MVB12B: variants seen among roughly 807,000 people sequenced by gnomAD.
The protein encoded by MVB12B is multivesicular body subunit 12B, also known as ESCRT-I complex subunit MVB12B.
Under a neutral mutation model 41.6 loss-of-function variants are expected in MVB12B, and 16 were observed. The ratio of observed to expected loss-of-function variants is 0.38; its 90% CI spans 0.26 to 0.58. MVB12B has a LOEUF of 0.58. Among genes scored for constraint, MVB12B ranks in the 20% least tolerant of loss-of-function variants. MVB12B has a pLI of 0.62. For synonymous variants in MVB12B, 133 were observed against 139.7 expected, an observed-to-expected ratio of 0.95 and a Z score of 0.34; for missense variants, 274 against 380.2, an observed-to-expected ratio of 0.72 and a Z score of 2.32.
intron 6 of MVB12B, chr9:126,408,442 GT>G (rs1831514651): frequency 6.6e-6 from 1 of 151,894 alleles, no homozygotes; most frequent in African/African-American, 2.4e-5. Flanking sequence ...CGGATCCGGG[GT>G]CTGTGCCTGC....
chr9:126,332,005 T>G (rs1393972910), intron 1 of MVB12B, among the ~76,000 whole-genome samples: 4 of 152,364 alleles, frequency 2.6e-5, no homozygotes, highest in Non-Finnish European at 1.5e-5. Context: ...ACAGGTTTTT[T>G]AGTTCAGTTT....
At chr9:126,419,671 A>G (rs902652034) in intron 6 of MVB12B, among the ~76,000 whole-genome samples, 1 of 152,196 alleles carries the variant, frequency 6.6e-6, no homozygotes, top group African/African-American at 2.4e-5. Flanking sequence ...GGTCAGAGAC[A>G]TTGATCAACT....
At chr9:126,474,851 C>G (rs938272915) in intron 7 of MVB12B, among the ~76,000 whole-genome samples, 1 of 152,120 alleles carries the variant, frequency 6.6e-6, no homozygotes, top group African/African-American at 2.4e-5. Flanking sequence ...TTCAGGTTCC[C>G]TCACCACTCT....
At position 126,431,591 on chromosome 9, in the gene MVB12B, C is replaced by T. The variant is rs576109425; in HGVS notation, c.757+9643C>T. Among the ~76,000 whole-genome samples, 5 of 152,170 alleles carry T rather than the reference C, an allele frequency of 3.3e-5. No individual in the cohort carries two copies. In the South Asian group the frequency reaches 6.2e-4, roughly 19 times the overall value. On this transcript the variant is annotated intron_variant, in intron 7 of 9. Coordinates refer to ENST00000361171, the MANE Select transcript of MVB12B (RefSeq NM_033446.3). ...TCAGTGCTCTTAAACAGGCGGCCAC[C>T]TTCCCACTGTGCTTTCCTTCTCTTT...
chr9:126,429,491 G>A (rs1832274592), intron 7 of MVB12B, among the ~76,000 whole-genome samples: 1 of 152,142 alleles, frequency 6.6e-6, no homozygotes, highest in Admixed American at 6.5e-5. Context: ...AAAAGCCTGT[G>A]TTTAGATGGC....
At position 126,330,274 on chromosome 9, in the gene MVB12B, G is replaced by GA. The variant is rs1180269538; in HGVS notation, c.81+3265dup. Among the ~76,000 whole-genome samples the GA allele has an allele frequency of 5.3e-5, 8 of 149,622 alleles. No individual in the cohort carries two copies. In the East Asian group the frequency reaches 1.6e-3, roughly 30 times the overall value. ...GGCCATCTTGTTGGACCTGTGGCAG[G>GA]AGTCAACATGAGTTTGTTCTTTCTT... On this transcript the variant is annotated intron_variant, in intron 1 of 9. Transcript: ENST00000361171.
rs1261112447 is a variant in MVB12B at position 126,436,308 on chromosome 9, C to A, written c.757+14360C>A. Reference sequence around the variant, plus strand: ...GAGCTGAAGAGTAAATTCTGTGCAGCCGCCTTTTAGGAACACTCTTAGGTT... The same window carrying A: ...GAGCTGAAGAGTAAATTCTGTGCAGACGCCTTTTAGGAACACTCTTAGGTT... On this transcript the variant is annotated intron_variant, in intron 7 of 9. Transcript: ENST00000361171. The surrounding 1 kb of genome is among the most constrained non-coding windows in gnomAD (Gnocchi z 4.1). Among the ~76,000 whole-genome samples, 1 of 152,140 alleles carries A rather than the reference C, an allele frequency of 6.6e-6. No individual in the cohort carries two copies. Among genetic ancestry groups the A allele is most frequent in the Non-Finnish European group, 1.5e-5 (1 of 68,034 alleles).
At position 126,395,293 on chromosome 9, in the gene MVB12B, G is replaced by C. The variant is rs1831077881; in HGVS notation, c.540-282G>C. Among the ~76,000 whole-genome samples, 1 of 152,216 alleles carries C rather than the reference G, an allele frequency of 6.6e-6. No homozygotes were observed. Among genetic ancestry groups the C allele is most frequent in the Non-Finnish European group, 1.5e-5 (1 of 68,042 alleles). Reference sequence around the variant, plus strand: ...AAATGGCAAAACAAAAAGAAGTTTGGAGAAGCAAGGAAAGTACCAGTTGGA... The same window carrying C: ...AAATGGCAAAACAAAAAGAAGTTTGCAGAAGCAAGGAAAGTACCAGTTGGA... On this transcript the variant is annotated intron_variant, in intron 5 of 9. Coordinates refer to ENST00000361171, the MANE Select transcript of MVB12B (RefSeq NM_033446.3). This position sits in a 1 kb window ranked among gnomAD's most constrained non-coding sequence, Gnocchi z 4.9.
intron 1 of MVB12B, among the ~76,000 whole-genome samples, chr9:126,338,575 T>TAA (rs34003566): frequency 3.3e-3 from 485 of 146,358 alleles, no homozygotes; most frequent in Non-Finnish European, 3.2e-3. Context: ...CATACTATCT[T>TAA]AAAAAAAAAA....
intron 1 of MVB12B, among the ~76,000 whole-genome samples, chr9:126,331,813 C>T (rs1829138863): frequency 6.6e-6 from 1 of 152,194 alleles, no homozygotes; most frequent in Admixed American, 6.5e-5. Flanking sequence ...CCCCTTAGAG[C>T]TAATAGCATA....
chr9:126,337,412 C>T (rs1028953155), intron 1 of MVB12B, among the ~76,000 whole-genome samples: 1 of 152,096 alleles, frequency 6.6e-6, no homozygotes, highest in Non-Finnish European at 1.5e-5. Flanking sequence ...AAATTAATCC[C>T]GTGTTACTTT....
In MVB12B at chr9:126,395,184, T is replaced by C. The variant is rs1454672382; in HGVS notation, c.540-391T>C. On this transcript the variant is annotated intron_variant, in intron 5 of 9. Transcript: ENST00000361171. This position sits in a 1 kb window ranked among gnomAD's most constrained non-coding sequence, Gnocchi z 4.9. Reference sequence around the variant, plus strand: ...TAGAGTAGGGGGCTAATTCTTCTCATGGTTAAAAACCAGCATCTCCCTATC... The same window carrying C: ...TAGAGTAGGGGGCTAATTCTTCTCACGGTTAAAAACCAGCATCTCCCTATC... Among the ~76,000 whole-genome samples the C allele has an allele frequency of 6.6e-6, 1 of 152,210 alleles. No individual in the cohort carries two copies. Among genetic ancestry groups the C allele is most frequent in the Admixed American group, 6.5e-5 (1 of 15,280 alleles).
rs1564353853 is a variant in MVB12B at position 126,499,892 on chromosome 9, AGCCCAGCCCGGAGG to A, written c.874-3276_874-3263del. On this transcript the variant is annotated intron_variant, in intron 9 of 9. Transcript: ENST00000361171. ...CCCGCGGGCCGGGAGAGAGGAGCTC[AGCCCAGCCCGGAGG>A]GCCCAGCCATGCCCTCCCCGTGACC... Among the ~76,000 whole-genome samples the A allele has an allele frequency of 3.3e-5, 5 of 149,568 alleles. 1 individual carries two copies. In the South Asian group the frequency reaches 1.1e-3, roughly 32 times the overall value.
chr9:126,477,141 A>T (rs1368756727), intron 7 of MVB12B, among the ~76,000 whole-genome samples: 2 of 152,098 alleles, frequency 1.3e-5, no homozygotes, highest in Admixed American at 1.3e-4. Context: ...GTGAAGGGGG[A>T]ACAGGCGTAT....
intron 2 of MVB12B, among the ~76,000 whole-genome samples, chr9:126,346,797 A>G (rs1829601956): frequency 6.6e-6 from 1 of 152,204 alleles, no homozygotes; most frequent in African/African-American, 2.4e-5. Flanking sequence ...AACTAAGGGG[A>G]AAAGTGTATT....
intron 8 of MVB12B, among the ~76,000 whole-genome samples, chr9:126,483,161 C>G (rs118084501): frequency 0.038 from 5,764 of 152,272 alleles, 155 homozygotes; most frequent in Non-Finnish European, 0.057. Context: ...AGGGACCCTT[C>G]TGGGGAGCAC....
At chr9:126,416,538 T>G (rs1250272560) in intron 6 of MVB12B, among the ~76,000 whole-genome samples, 3 of 152,196 alleles carry the variant, frequency 2.0e-5, no homozygotes, top group Non-Finnish European at 4.4e-5. Context: ...CATCACTGAT[T>G]TCAAAAGGGC....
At chr9:126,438,421 A>G (rs562977166) in intron 7 of MVB12B, among the ~76,000 whole-genome samples, 11 of 152,298 alleles carry the variant, frequency 7.2e-5, no homozygotes, top group Admixed American at 4.6e-4. Context: ...AAAAGTCTAA[A>G]GGTGTCAATG....
At chr9:126,461,719 G>A (rs897901051) in intron 7 of MVB12B, among the ~76,000 whole-genome samples, 3 of 152,206 alleles carry the variant, frequency 2.0e-5, no homozygotes, top group African/African-American at 4.8e-5. Flanking sequence ...GCCGTAAACC[G>A]AGAAAGGGAA....
Sources: allele counts gnomAD v4.1 joint callset (sites outside exome capture counted in the v4.1 genomes callset), GRCh38; gene constraint gnomAD v4.1.1; non-coding constraint Gnocchi (gnomAD v3.1); transcripts MANE v1.5; gene names NCBI Gene and HGNC (gene_info 2026-07-23, HGNC 2026-07-21).